The following SDK1 variants were observed in gnomAD, a reference collection of about 807,000 sequenced individuals.
The protein encoded by SDK1 is sidekick cell adhesion molecule 1, also known as protein sidekick-1.
In SDK1, 157 loss-of-function variants were observed where a neutral mutation model predicts 245.5. The observed-to-expected ratio is 0.64, with a 90% CI of 0.56 to 0.73. The LOEUF (loss-of-function observed/expected upper bound fraction) is 0.73, where lower values mean the gene tolerates loss of function less well. SDK1 is among the 30% of genes least tolerant of loss of function. The pLI, the probability that SDK1 is intolerant of heterozygous loss-of-function variation, is 0.00. For missense variants in SDK1, 3,583 were observed against 3,002.3 expected, an observed-to-expected ratio of 1.19 and a Z score of -4.52; for synonymous variants, 1,647 against 1,278.5, an observed-to-expected ratio of 1.29 and a Z score of -6.15.
At chr7:4,230,974 A>G (rs991238696) in intron 40 of SDK1, among the ~76,000 whole-genome samples, 1 of 152,014 alleles carries the variant, frequency 6.6e-6, no homozygotes, top group African/African-American at 2.4e-5. Context: ...CAAAGAGTAG[A>G]CCGCATTTGT....
intron 1 of SDK1, among the ~76,000 whole-genome samples, chr7:3,465,510 C>A (rs1425238959): frequency 6.6e-6 from 1 of 152,042 alleles, no homozygotes; most frequent in Non-Finnish European, 1.5e-5. Flanking sequence ...TATTTAATAC[C>A]CACAGAAGCT....
intron 4 of SDK1, among the ~76,000 whole-genome samples, chr7:3,698,886 T>C (rs117427635): frequency 2.6e-5 from 4 of 152,308 alleles, no homozygotes; most frequent in East Asian, 1.9e-4. Context: ...CATTAGAGTT[T>C]AAGGCTTCAA....
chr7:3,484,679 G>A (rs1268502924), intron 1 of SDK1, among the ~76,000 whole-genome samples: 2 of 152,032 alleles, frequency 1.3e-5, no homozygotes, highest in Non-Finnish European at 2.9e-5. Flanking sequence ...GCCCTTCCTA[G>A]CCTCTGGGAA....
chr7:4,148,519 C>T (rs1420498288), intron 29 of SDK1, among the ~76,000 whole-genome samples: 1 of 152,166 alleles, frequency 6.6e-6, no homozygotes, highest in Non-Finnish European at 1.5e-5. Context: ...TGAGTAGATG[C>T]CGTAGATGCT....
At chr7:3,665,224 C>G (rs542116976) in intron 4 of SDK1, among the ~76,000 whole-genome samples, 1 of 152,200 alleles carries the variant, frequency 6.6e-6, no homozygotes, top group Non-Finnish European at 1.5e-5. Context: ...ACCCTGTGCA[C>G]GCAGAGCAGT....
At chr7:3,898,413 A>T (rs1781675793) in intron 5 of SDK1, among the ~76,000 whole-genome samples, 1 of 152,222 alleles carries the variant, frequency 6.6e-6, no homozygotes, top group Non-Finnish European at 1.5e-5. Flanking sequence ...CAAAGATTCT[A>T]ACTAGCTTTT....
intron 1 of SDK1, among the ~76,000 whole-genome samples, chr7:3,616,596 G>C (rs757037970): frequency 3.9e-5 from 6 of 152,000 alleles, no homozygotes. Flanking sequence ...AGTTCTTGCC[G>C]TACTCATAGA....
At chr7:3,827,980 T>C (rs1051145795) in intron 5 of SDK1, among the ~76,000 whole-genome samples, 1 of 152,192 alleles carries the variant, frequency 6.6e-6, no homozygotes, top group Non-Finnish European at 1.5e-5. Flanking sequence ...TCCTAACTAA[T>C]ACATTACTAT....
At chr7:3,775,819 A>G (rs1037171599) in intron 4 of SDK1, among the ~76,000 whole-genome samples, 2 of 150,390 alleles carry the variant, frequency 1.3e-5, no homozygotes, top group African/African-American at 2.5e-5. Context: ...CTCATGATCC[A>G]CCCGCCTCGG....
intron 1 of SDK1, among the ~76,000 whole-genome samples, chr7:3,568,762 A>G (rs1452393938): frequency 6.6e-6 from 1 of 152,146 alleles, no homozygotes; most frequent in Non-Finnish European, 1.5e-5. Context: ...TCCTGAGCTG[A>G]TGTCATCTTT....
intron 4 of SDK1, among the ~76,000 whole-genome samples, chr7:3,698,756 G>C (rs570759627): frequency 1.4e-4 from 22 of 152,308 alleles, no homozygotes; most frequent in African/African-American, 4.8e-4. Flanking sequence ...GGTAGAGAGA[G>C]AGAACAAACT....
chr7:3,718,707 G>A (rs1315294275), intron 4 of SDK1, among the ~76,000 whole-genome samples: 1 of 152,050 alleles, frequency 6.6e-6, no homozygotes, highest in Non-Finnish European at 1.5e-5. Context: ...GTGAGAAGGT[G>A]AATGCTTTTT....
intron 5 of SDK1, among the ~76,000 whole-genome samples, chr7:3,946,986 G>T (rs1780602818): frequency 6.6e-6 from 1 of 152,282 alleles, no homozygotes; most frequent in African/African-American, 2.4e-5. Context: ...TGTGTCTATT[G>T]CTAGTTCTTG....
At chr7:3,337,065 A>G (rs1453799534) in intron 1 of SDK1, among the ~76,000 whole-genome samples, 1 of 152,226 alleles carries the variant, frequency 6.6e-6, no homozygotes, top group Non-Finnish European at 1.5e-5. Flanking sequence ...AGATCCAGGA[A>G]TATCACCTAT....
chr7:3,886,254 G>A (rs1361523795), intron 5 of SDK1, among the ~76,000 whole-genome samples: 1 of 152,284 alleles, frequency 6.6e-6, no homozygotes, highest in African/African-American at 2.4e-5. Flanking sequence ...TGGAACATCT[G>A]GTCATTGTGG....
intron 9 of SDK1, among the ~76,000 whole-genome samples, chr7:3,966,704 G>C (rs930519760): frequency 2.0e-5 from 3 of 150,210 alleles, no homozygotes; most frequent in Admixed American, 1.3e-4. Flanking sequence ...TTTTGTTTTT[G>C]AGATAAGGTC....
intron 5 of SDK1, among the ~76,000 whole-genome samples, chr7:3,904,424 G>T (rs941515163): frequency 6.6e-6 from 1 of 152,120 alleles, no homozygotes; most frequent in African/African-American, 2.4e-5. Context: ...CTAGCCTGGT[G>T]CAGTGACTCA....
chr7:3,879,591 G>C (rs1037094544), intron 5 of SDK1, among the ~76,000 whole-genome samples: 1 of 152,192 alleles, frequency 6.6e-6, no homozygotes. Flanking sequence ...CACGCTCCCG[G>C]TACTCAGCCT....
intron 22 of SDK1, among the ~76,000 whole-genome samples, chr7:4,086,907 A>C (rs886969388): frequency 1.3e-5 from 2 of 152,070 alleles, no homozygotes; most frequent in Admixed American, 6.6e-5. Flanking sequence ...ATTCCCAGGC[A>C]TGGGTTGGCT....
Sources: gnomAD v4.1 joint callset for allele counts (sites outside exome capture counted in the v4.1 genomes callset) on GRCh38, gnomAD v4.1.1 for gene constraint, MANE v1.5 for transcripts, NCBI Gene and HGNC (gene_info 2026-07-23, HGNC 2026-07-21) for gene names.